DLG2: variants seen among roughly 807,000 people sequenced by gnomAD.
DLG2 encodes disks large homolog 2.
A neutral mutation model predicts 132.5 loss-of-function variants in DLG2; 45 were observed. That is an observed-to-expected ratio of 0.34 (90% CI 0.27 to 0.44). The LOEUF is 0.44. DLG2 is among the 20% of genes least tolerant of loss of function. DLG2 has a pLI of 1.00. For missense variants in DLG2, 1,045 were observed against 1,196.9 expected (o/e 0.87, Z 1.87); for synonymous variants, 424 against 419.6 (o/e 1.01, Z -0.13).
At chr11:85,540,448 C>T (rs537404107) in intron 3 of DLG2, among the ~76,000 whole-genome samples, 35 of 152,240 alleles carry the variant, frequency 2.3e-4, no homozygotes, top group Non-Finnish European at 4.1e-4. Context: ...AGATGCCTGC[C>T]GCTGGGCAGC....
Position 85,453,240 on chromosome 11 carries a change from T to A in DLG2, c.40+145417A>T, listed in dbSNP as rs1247369048. The A allele has an allele frequency of 8.2e-6, 3 of 366,054 alleles. No individual in the cohort carries two copies. The Admixed American group carries it at 1.1e-4, about 14-fold the overall frequency. The allele number at this position is 366,054 out of a possible 1,614,324, so 22.7% of individuals were successfully genotyped here. Reference sequence around the variant, plus strand: ...ATCCAAATTATTATCTGGTCCAGTGTTAGTAAACACTTGTGTCAATAATCT... The same window carrying A: ...ATCCAAATTATTATCTGGTCCAGTGATAGTAAACACTTGTGTCAATAATCT... On this transcript the variant is annotated intron_variant, in intron 3 of 27. Coordinates refer to ENST00000376104, the MANE Select transcript of DLG2 (RefSeq NM_001142699.3).
intron 22 of DLG2, among the ~76,000 whole-genome samples, chr11:83,479,997 A>G (rs947664919): frequency 7.9e-5 from 12 of 152,100 alleles, no homozygotes; most frequent in African/African-American, 2.9e-4. Context: ...ATAAGAAGGA[A>G]AACAATACCA....
At chr11:84,396,290 C>CA (rs1442209163) in intron 7 of DLG2, among the ~76,000 whole-genome samples, 1 of 152,138 alleles carries the variant, frequency 6.6e-6, no homozygotes, top group Non-Finnish European at 1.5e-5. Flanking sequence ...ATACGGGCTA[C>CA]ATAGTTTTAT....
chr11:84,115,290 C>T (rs1168810180), intron 9 of DLG2, among the ~76,000 whole-genome samples: 1 of 151,818 alleles, frequency 6.6e-6, no homozygotes, highest in East Asian at 1.9e-4. Flanking sequence ...GAGTGCTGCC[C>T]ATAAAACCTC....
chr11:84,140,036 T>C (rs1357355425), intron 9 of DLG2, among the ~76,000 whole-genome samples: 5 of 152,178 alleles, frequency 3.3e-5, no homozygotes, highest in African/African-American at 1.2e-4. Context: ...GAGAAATCAA[T>C]GACCATATTT....
chr11:84,511,984 G>A (rs1176585604), intron 7 of DLG2, among the ~76,000 whole-genome samples: 4 of 152,062 alleles, frequency 2.6e-5, no homozygotes, highest in East Asian at 1.9e-4. Context: ...TAACACGCTC[G>A]AGGTCACATA....
intron 7 of DLG2, among the ~76,000 whole-genome samples, chr11:84,420,234 T>C (rs1480661810): frequency 6.6e-6 from 1 of 152,124 alleles, no homozygotes; most frequent in Non-Finnish European, 1.5e-5. Flanking sequence ...TTGACCATAA[T>C]ATAGCTGAAA....
chr11:83,830,491 T>A (rs2054178382), intron 17 of DLG2, among the ~76,000 whole-genome samples: 1 of 152,222 alleles, frequency 6.6e-6, no homozygotes, highest in Non-Finnish European at 1.5e-5. Context: ...AATTTCTTTA[T>A]CCTTAATATG....
chr11:84,011,276 C>T (rs139965339), intron 11 of DLG2, among the ~76,000 whole-genome samples: 2 of 151,856 alleles, frequency 1.3e-5, no homozygotes, highest in Admixed American at 1.3e-4. Flanking sequence ...TTTAGACCAG[C>T]CTGGGCAAAA....
intron 2 of DLG2, among the ~76,000 whole-genome samples, chr11:85,619,726 C>T (rs1029437846): frequency 1.9e-4 from 29 of 151,884 alleles, no homozygotes; most frequent in Non-Finnish European, 1.8e-4. Context: ...CCCAGCTACT[C>T]GGCAGGCTGA....
chr11:85,369,046 T>C (rs370711659), intron 3 of DLG2, among the ~76,000 whole-genome samples: 4 of 152,210 alleles, frequency 2.6e-5, no homozygotes, highest in African/African-American at 9.6e-5. Context: ...CCAAAAGCAG[T>C]GAATGAAATG....
chr11:83,998,471 C>A (rs999197497), intron 11 of DLG2, among the ~76,000 whole-genome samples: 1 of 152,034 alleles, frequency 6.6e-6, no homozygotes, highest in Non-Finnish European at 1.5e-5. Flanking sequence ...AAAAGTGACA[C>A]AAAATACCTA....
At chr11:85,393,019 A>C (rs560976422) in intron 3 of DLG2, among the ~76,000 whole-genome samples, 1 of 152,278 alleles carries the variant, frequency 6.6e-6, no homozygotes, top group Non-Finnish European at 1.5e-5. Flanking sequence ...CAATATAAAT[A>C]ATCAGCAGAA....
intron 6 of DLG2, among the ~76,000 whole-genome samples, chr11:84,866,694 T>C (rs1420406986): frequency 1.3e-5 from 2 of 152,202 alleles, no homozygotes; most frequent in Non-Finnish European, 2.9e-5. Context: ...GGGAAGATTA[T>C]AATAACTGAA....
At chr11:84,142,038 T>A (rs1288487051) in intron 9 of DLG2, among the ~76,000 whole-genome samples, 1 of 152,028 alleles carries the variant, frequency 6.6e-6, no homozygotes, top group Non-Finnish European at 1.5e-5. Context: ...GCATGATGGC[T>A]CACCCCTGTA....
chr11:85,183,455 CAAACTGAGGCTAAGA>C (rs2079869927), intron 4 of DLG2, among the ~76,000 whole-genome samples: 1 of 151,846 alleles, frequency 6.6e-6, no homozygotes, highest in African/African-American at 2.4e-5. Context: ...ACATGAATGG[CAAACTGAGGCTAAGA>C]AAACTTAAGT....
At chr11:85,214,871 G>A (rs1168126606) in intron 4 of DLG2, among the ~76,000 whole-genome samples, 1 of 152,134 alleles carries the variant, frequency 6.6e-6, no homozygotes, top group African/African-American at 2.4e-5. Flanking sequence ...TTGCCTGGGT[G>A]CTCTGAATGA....
At chr11:85,018,625 T>C (rs1051808442) in intron 6 of DLG2, among the ~76,000 whole-genome samples, 1 of 152,090 alleles carries the variant, frequency 6.6e-6, no homozygotes, top group Admixed American at 6.6e-5. Context: ...CCTCACACTC[T>C]CTCATCCCAC....
chr11:83,657,782 C>T (rs538654628), intron 18 of DLG2, among the ~76,000 whole-genome samples: 9 of 152,170 alleles, frequency 5.9e-5, no homozygotes, highest in East Asian at 1.9e-4. Flanking sequence ...CCTCGTGATC[C>T]GCCCGCCTTG....
Sources: gnomAD v4.1 joint callset for allele counts (sites outside exome capture counted in the v4.1 genomes callset) on GRCh38, gnomAD v4.1.1 for gene constraint, MANE v1.5 for transcripts, NCBI Gene and HGNC (gene_info 2026-07-23, HGNC 2026-07-21) for gene names.